NR4A3: variants seen among roughly 807,000 people sequenced by gnomAD.
NR4A3 encodes chondrosarcoma, extraskeletal myxoid, fused to EWS.
In NR4A3, 13 loss-of-function variants were observed where a neutral mutation model predicts 55.6. That is an observed-to-expected ratio of 0.23 (90% confidence interval 0.15 to 0.37). The LOEUF (loss-of-function observed/expected upper bound fraction) is 0.37, where lower values mean the gene tolerates loss of function less well. Among genes scored for constraint, NR4A3 ranks in the 10% least tolerant of loss-of-function variants. The probability of loss-of-function intolerance (pLI) is 1.00; values close to 1 mark genes in which losing one functional copy is unlikely to be tolerated. For synonymous variants in NR4A3, 342 were observed against 357.9 expected (o/e 0.96, Z 0.50); for missense variants, 646 against 822.8 (o/e 0.79, Z 2.63).
intron 2 of NR4A3, among the ~76,000 whole-genome samples, chr9:99,827,081 G>T (rs909449946): frequency 6.6e-6 from 1 of 152,154 alleles, no homozygotes; most frequent in South Asian, 2.1e-4. Context: ...CACTTTGGGG[G>T]CAACATAGTC....
chr9:99,853,016 A>G (rs1335949228), intron 7 of NR4A3, among the ~76,000 whole-genome samples: 1 of 152,242 alleles, frequency 6.6e-6, no homozygotes, highest in African/African-American at 2.4e-5. Flanking sequence ...CACAGGATTT[A>G]GAGACCGGAG....
chr9:99,825,932 A>G lies in NR4A3; in HGVS notation c.-3+100A>G. 1 of 184,310 alleles carries G rather than the reference A, an allele frequency of 5.4e-6. No homozygotes were observed. The highest frequency in any genetic ancestry group is 8.8e-5 in the East Asian group (1 of 11,318). The allele number at this position is 184,310 out of a possible 1,614,324, so 11.4% of individuals were successfully genotyped here. A position where few individuals can be genotyped will look rare whatever the true frequency, so the allele number is the denominator to read the frequency against. On this transcript the variant is annotated intron_variant, in intron 2 of 7. Transcript: ENST00000395097. The surrounding 1 kb of genome is among the most constrained non-coding windows in gnomAD (Gnocchi z 5.0). The stretch of plus-strand genomic sequence containing the variant: ...CAGCGTGGTCGACCTGCCCAGTGCC[A>G]GGACAGTGACTGCTGGCCGCGAATT...
At chr9:99,845,619 T>C (rs1227829694) in intron 6 of NR4A3, among the ~76,000 whole-genome samples, 1 of 152,212 alleles carries the variant, frequency 6.6e-6, no homozygotes, top group African/African-American at 2.4e-5. Context: ...CTTTCCCCTC[T>C]TTCTCTTTCC....
At chr9:99,856,943 T>G (rs34521590) in intron 7 of NR4A3, among the ~76,000 whole-genome samples, 2,157 of 152,336 alleles carry the variant, frequency 0.014, 23 homozygotes, top group African/African-American at 0.03. Context: ...TTAAAAATAC[T>G]CAGTGCCAGG....
intron 1 of NR4A3, among the ~76,000 whole-genome samples, chr9:99,824,756 G>C (rs1827260969): frequency 6.6e-6 from 1 of 152,234 alleles, no homozygotes; most frequent in Admixed American, 6.5e-5. Context: ...GCCGGAGTTT[G>C]GGCACCCAGT....
At chr9:99,826,274 T>A (rs1827294020) in intron 2 of NR4A3, among the ~76,000 whole-genome samples, 1 of 152,164 alleles carries the variant, frequency 6.6e-6, no homozygotes, top group Non-Finnish European at 1.5e-5. Flanking sequence ...AGAAAAGCAT[T>A]TGAGATGAAA....
intron 7 of NR4A3, among the ~76,000 whole-genome samples, chr9:99,852,035 G>A (rs1172108794): frequency 1.3e-5 from 2 of 152,176 alleles, no homozygotes; most frequent in African/African-American, 4.8e-5. Flanking sequence ...TAAACTTGAT[G>A]TATAGTGATT....
chr9:99,828,363 T>C lies in NR4A3; in HGVS notation c.321T>C (p.His107=), dbSNP rs1408503866. 7 of 1,591,934 alleles carry C rather than the reference T, an allele frequency of 4.4e-6. No individual in the cohort carries two copies. Among genetic ancestry groups the C allele is most frequent in the East Asian group, 2.2e-5 (1 of 44,602 alleles). ...HHHHHHHHHH[H]HQQQHQQPSI... is the part of the protein sequence containing the mutation. ...ACCACCACCACCACCACCACCACCA[T>C]CACCAGCAGCAGCATCAGCAGCCAT... Residue 107 remains histidine (H), a synonymous_variant, in exon 3 of 8, where the codon CAT becomes CAC. Transcript: ENST00000395097. The surrounding 1 kb of genome is among the most constrained non-coding windows in gnomAD (Gnocchi z 7.7).
chr9:99,833,920 G>T (rs1827500685), intron 5 of NR4A3: 2 of 1,186,852 alleles, frequency 1.7e-6, no homozygotes, highest in Admixed American at 8.6e-5. Flanking sequence ...GTGGAGAGAA[G>T]CGAGCTCTGG....
chr9:99,833,412 A>G lies in NR4A3; in HGVS notation c.1212A>G (p.Arg404=), dbSNP rs1460148257. 6.8e-6 allele frequency: 11 copies of G among 1,613,924 alleles called. No homozygotes were observed. The East Asian group carries it at 1.6e-4, about 23-fold the overall frequency. ...PPICMMNALV[R]ALTDSTPRDL... Reference sequence around the variant, plus strand: ...TCTGCATGATGAATGCCCTTGTCCGAGCTTTAACAGACTCAACACCCAGAG... The same window carrying G: ...TCTGCATGATGAATGCCCTTGTCCGGGCTTTAACAGACTCAACACCCAGAG... Residue 404 remains arginine (R), a synonymous_variant, in exon 5 of 8, where the codon CGA becomes CGG. Transcript: ENST00000395097.
At chr9:99,862,157 T>C (rs1564040966) in intron 7 of NR4A3, among the ~76,000 whole-genome samples, 1 of 152,090 alleles carries the variant, frequency 6.6e-6, no homozygotes, top group Non-Finnish European at 1.5e-5. Context: ...ATTAGAAGGA[T>C]GTCTTCCATC....
intron 7 of NR4A3, among the ~76,000 whole-genome samples, chr9:99,859,052 T>C (rs1046777016): frequency 6.6e-6 from 1 of 152,222 alleles, no homozygotes; most frequent in African/African-American, 2.4e-5. Context: ...TACTTAACCA[T>C]TTCTGTATGT....
At position 99,823,854 on chromosome 9, in the gene NR4A3, G is replaced by A. The variant is rs1587869288; in HGVS notation, c.-177+1447G>A. On this transcript the variant is annotated intron_variant, in intron 1 of 7. Coordinates refer to ENST00000395097, the MANE Select transcript of NR4A3 (RefSeq NM_006981.4). Reference sequence around the variant, plus strand: ...TGAGAATCTCAGTCTTTCCCTTTCTGTCAGTCTCTCCCTCGCTCCTCTTGC... The same window carrying A: ...TGAGAATCTCAGTCTTTCCCTTTCTATCAGTCTCTCCCTCGCTCCTCTTGC... Among the ~76,000 whole-genome samples, 5 of 150,800 alleles carry A rather than the reference G, an allele frequency of 3.3e-5. No homozygotes were observed. The Admixed American group carries it at 3.3e-4, about 10-fold the overall frequency.
At chr9:99,850,241 A>T (rs923924373) in intron 7 of NR4A3, among the ~76,000 whole-genome samples, 2 of 152,150 alleles carry the variant, frequency 1.3e-5, no homozygotes, top group Non-Finnish European at 2.9e-5. Flanking sequence ...TTTTAGAAAG[A>T]TTTACCCTGT....
chr9:99,847,725 A>G (rs527295583), intron 7 of NR4A3, 110 bp downstream of exon 7: 2 of 1,015,832 alleles, frequency 2.0e-6, no homozygotes, highest in African/African-American at 3.2e-5. Context: ...AATGACTACC[A>G]TTTTTCTGAA....
At chr9:99,863,470 G>A (rs1828042767) in intron 7 of NR4A3, 150 bp from the exon 8 acceptor site, 1 of 845,718 alleles carries the variant, frequency 1.2e-6, no homozygotes, top group Non-Finnish European at 1.8e-6. Context: ...CATACCAAAG[G>A]CCATGAGCTA....
intron 3 of NR4A3, among the ~76,000 whole-genome samples, chr9:99,831,413 C>T (rs1244886721): frequency 6.6e-6 from 1 of 152,182 alleles, no homozygotes; most frequent in Non-Finnish European, 1.5e-5. Context: ...GTGGGAGAAA[C>T]ATGTCTTAGA....
chr9:99,864,781 T>C lies in NR4A3; in HGVS notation c.*914T>C, dbSNP rs1045870623. 3.1e-5 allele frequency: 7 copies of C among 223,660 alleles called. No individual in the cohort carries two copies. In the East Asian group the frequency reaches 4.5e-4, roughly 14 times the overall value. 13.9% of individuals were successfully genotyped at this position (223,660 alleles called of 1,614,324 possible). A position where few individuals can be genotyped will look rare whatever the true frequency, so the allele number is the denominator to read the frequency against. On this transcript the variant is annotated 3_prime_UTR_variant, in exon 8 of 8. Coordinates refer to ENST00000395097, the MANE Select transcript of NR4A3 (RefSeq NM_006981.4). ...CCCCACCAGAGTTCCCTAAACTTGC[T>C]TCAGTTATAGTAACTGACTGGTATA...
At chr9:99,844,531 C>T (rs1587881736) in intron 5 of NR4A3, 118 bp from the exon 6 acceptor site, 1 of 742,310 alleles carries the variant, frequency 1.3e-6, no homozygotes, top group East Asian at 2.7e-5. Flanking sequence ...GTTTTATAAA[C>T]TGTAACACCT....
Sources: allele counts gnomAD v4.1 joint callset (sites outside exome capture counted in the v4.1 genomes callset), GRCh38; gene constraint gnomAD v4.1.1; non-coding constraint Gnocchi (gnomAD v3.1); transcripts MANE v1.5; gene names NCBI Gene and HGNC (gene_info 2026-07-23, HGNC 2026-07-21).